Variants in LRP1B observed in about 807,000 individuals in gnomAD.
LRP1B encodes the protein low-density lipoprotein receptor-related protein 1B.
In LRP1B, 217 loss-of-function variants were observed where a neutral mutation model predicts 556.6. The observed-to-expected ratio is 0.39, with a 90% CI of 0.35 to 0.44. The LOEUF is 0.44. Among genes scored for constraint, LRP1B ranks in the 20% least tolerant of loss-of-function variants. The pLI, the probability that LRP1B is intolerant of heterozygous loss-of-function variation, is 1.00. For missense variants in LRP1B, 5,053 were observed against 5,620.8 expected, an observed-to-expected ratio of 0.90 and a Z score of 3.23; for synonymous variants, 2,047 against 1,865.8, an observed-to-expected ratio of 1.10 and a Z score of -2.50.
intron 20 of LRP1B, among the ~76,000 whole-genome samples, chr2:140,948,910 A>G (rs188947288): frequency 1.4e-4 from 22 of 152,366 alleles, no homozygotes; most frequent in African/African-American, 5.3e-4. Flanking sequence ...AGTATTGTAG[A>G]TAATTTAATA....
chr2:140,508,745 C>T (rs1044569142), intron 52 of LRP1B, among the ~76,000 whole-genome samples: 3 of 152,148 alleles, frequency 2.0e-5, no homozygotes, highest in African/African-American at 7.2e-5. Flanking sequence ...TTTCAGATCA[C>T]TTGAGTACAA....
intron 1 of LRP1B, among the ~76,000 whole-genome samples, chr2:141,889,159 CT>C (rs1699209196): frequency 6.6e-6 from 1 of 151,990 alleles, no homozygotes; most frequent in Non-Finnish European, 1.5e-5. Flanking sequence ...CTGTTTTCCA[CT>C]CTACATAATA....
intron 12 of LRP1B, among the ~76,000 whole-genome samples, chr2:141,016,543 C>T (rs1411007312): frequency 1.3e-5 from 2 of 152,000 alleles, no homozygotes; most frequent in Non-Finnish European, 2.9e-5. Context: ...GATTTAGCTG[C>T]ACGTAAGTTT....
chr2:141,872,146 T>C (rs1332450137), intron 1 of LRP1B, among the ~76,000 whole-genome samples: 2 of 151,948 alleles, frequency 1.3e-5, no homozygotes, highest in Non-Finnish European at 2.9e-5. Context: ...GCATTCCTTC[T>C]AGGGGAAAAA....
Position 141,303,077 on chromosome 2 carries a change from C to A in LRP1B, c.344-48436G>T, listed in dbSNP as rs942304166. 5.3e-5 allele frequency among the ~76,000 whole-genome samples: 8 copies of A among 152,042 alleles called. No individual in the cohort carries two copies. The East Asian group carries it at 9.7e-4, about 18-fold the overall frequency. On this transcript the variant is annotated intron_variant, in intron 3 of 90. Transcript: ENST00000389484. ...ACATGTTCCATATTCAATTTAATAC[C>A]CATATGCTAATTGGAGATCTATCTT...
chr2:141,913,808 G>A (rs973542967), intron 1 of LRP1B, among the ~76,000 whole-genome samples: 8 of 151,806 alleles, frequency 5.3e-5, no homozygotes, highest in East Asian at 1.9e-4. Context: ...GTGCAGTGGC[G>A]TGATCTTGGC....
At chr2:140,241,096 A>G (rs1680927708) in intron 87 of LRP1B, among the ~76,000 whole-genome samples, 1 of 150,940 alleles carries the variant, frequency 6.6e-6, no homozygotes. Flanking sequence ...AAAATGTAAA[A>G]GTCATTTTGT....
At chr2:140,934,332 G>A (rs1417496087) in intron 20 of LRP1B, among the ~76,000 whole-genome samples, 1 of 152,054 alleles carries the variant, frequency 6.6e-6, no homozygotes. Flanking sequence ...AGTTGTTTTT[G>A]CACTATGTGT....
intron 1 of LRP1B, among the ~76,000 whole-genome samples, chr2:142,005,718 C>T (rs1702779129): frequency 6.6e-6 from 1 of 151,878 alleles, no homozygotes; most frequent in African/African-American, 2.4e-5. Context: ...ATTTATCAAA[C>T]TTGCAAAGCT....
intron 37 of LRP1B, among the ~76,000 whole-genome samples, chr2:140,712,441 CTG>C (rs1416709292): frequency 1.3e-5 from 2 of 151,978 alleles, no homozygotes; most frequent in Non-Finnish European, 1.5e-5. Context: ...TGCTTTCTGT[CTG>C]TGATTCCTCC....
chr2:140,370,111 ATGT>A (rs1181940038), intron 71 of LRP1B, among the ~76,000 whole-genome samples: 2 of 151,994 alleles, frequency 1.3e-5, no homozygotes, highest in East Asian at 1.9e-4. Context: ...TAAAACTAAA[ATGT>A]TGTTATCTGT....
At chr2:140,839,854 A>G in intron 31 of LRP1B, 137 bp downstream of exon 31, 2 of 643,766 alleles carry the variant, frequency 3.1e-6, no homozygotes, top group East Asian at 2.8e-5. Context: ...AATGGATTCA[A>G]TGAAATTGGT....
At chr2:140,247,732 TG>T (rs1413086633) in intron 86 of LRP1B, among the ~76,000 whole-genome samples, 2 of 151,652 alleles carry the variant, frequency 1.3e-5, no homozygotes, top group African/African-American at 4.8e-5. Context: ...AAGTTTTTAT[TG>T]GGAGAAGTTG....
At chr2:140,846,524 T>C (rs1368435331) in intron 29 of LRP1B, among the ~76,000 whole-genome samples, 1 of 151,480 alleles carries the variant, frequency 6.6e-6, no homozygotes, top group East Asian at 1.9e-4. Context: ...GCCACTACAC[T>C]CCAGCCTGGG....
chr2:141,105,782 C>T (rs1700588634), intron 7 of LRP1B, among the ~76,000 whole-genome samples: 1 of 152,082 alleles, frequency 6.6e-6, no homozygotes, highest in Non-Finnish European at 1.5e-5. Context: ...ATAAAACTTA[C>T]ATTGGAATTA....
chr2:141,539,723 A>G (rs950159647), intron 2 of LRP1B, among the ~76,000 whole-genome samples: 1 of 152,198 alleles, frequency 6.6e-6, no homozygotes, highest in African/African-American at 2.4e-5. Flanking sequence ...TGCTACCATG[A>G]TAGTGTAAAA....
chr2:140,294,278 T>C (rs1683514222), intron 84 of LRP1B, among the ~76,000 whole-genome samples: 1 of 152,206 alleles, frequency 6.6e-6, no homozygotes, highest in African/African-American at 2.4e-5. Context: ...TACAAGATCA[T>C]TGAACACTGA....
At chr2:141,571,441 C>G (rs191237142) in intron 2 of LRP1B, among the ~76,000 whole-genome samples, 1 of 139,198 alleles carries the variant, frequency 7.2e-6, no homozygotes, top group Non-Finnish European at 1.7e-5. Flanking sequence ...CCTCAAAGAC[C>G]GAAACTAGAC....
intron 12 of LRP1B, among the ~76,000 whole-genome samples, chr2:141,016,945 A>T (rs991916553): frequency 1.3e-5 from 2 of 152,110 alleles, no homozygotes; most frequent in Non-Finnish European, 1.5e-5. Flanking sequence ...ACTGTGATCT[A>T]AGCTGGCAGA....
Sources: allele counts gnomAD v4.1 joint callset (sites outside exome capture counted in the v4.1 genomes callset), GRCh38; gene constraint gnomAD v4.1.1; transcripts MANE v1.5; gene names NCBI Gene and HGNC (gene_info 2026-07-23, HGNC 2026-07-21).